Variants in PDZRN3 observed in about 807,000 individuals in gnomAD.
PDZRN3 encodes the protein E3 ubiquitin-protein ligase PDZRN3.
Under a neutral mutation model 85.7 loss-of-function variants are expected in PDZRN3, and 38 were observed. The ratio of observed to expected loss-of-function variants is 0.44; its 90% CI spans 0.34 to 0.58. The LOEUF is 0.58. PDZRN3 is among the 20% of genes least tolerant of loss of function. The probability of loss-of-function intolerance (pLI) is 0.01; values close to 1 mark genes in which losing one functional copy is unlikely to be tolerated. For missense variants in PDZRN3, 1,629 were observed against 1,506.4 expected, an observed-to-expected ratio of 1.08 and a Z score of -1.35; for synonymous variants, 759 against 638.0, an observed-to-expected ratio of 1.19 and a Z score of -2.86.
chr3:73,546,106 C>A (rs770600570), intron 3 of PDZRN3, among the ~76,000 whole-genome samples: 17 of 152,052 alleles, frequency 1.1e-4, no homozygotes, highest in Non-Finnish European at 1.6e-4. Flanking sequence ...CAGAATAAGG[C>A]CCAGCACAGG....
At chr3:73,415,072 G>C (rs1702048922) in intron 3 of PDZRN3, among the ~76,000 whole-genome samples, 1 of 152,182 alleles carries the variant, frequency 6.6e-6, no homozygotes, top group Admixed American at 6.5e-5. Context: ...CACACGGCCT[G>C]GGGCTGCCAA....
chr3:73,568,797 A>G (rs930957266), intron 3 of PDZRN3, among the ~76,000 whole-genome samples: 9 of 152,230 alleles, frequency 5.9e-5, no homozygotes, highest in South Asian at 2.1e-4. Flanking sequence ...CCACAGCACT[A>G]GGAGGAAAGT....
intron 3 of PDZRN3, among the ~76,000 whole-genome samples, chr3:73,575,066 G>C (rs942889409): frequency 6.6e-6 from 1 of 152,154 alleles, no homozygotes; most frequent in Non-Finnish European, 1.5e-5. Flanking sequence ...AAATCCCCAA[G>C]CTCTAAAGGA....
At chr3:73,431,554 T>A (rs987549772) in intron 3 of PDZRN3, among the ~76,000 whole-genome samples, 1 of 152,224 alleles carries the variant, frequency 6.6e-6, no homozygotes, top group East Asian at 1.9e-4. Context: ...GAGAATGCAA[T>A]TATTAATTCC....
rs559449936 is a variant in PDZRN3 at position 73,435,385 on chromosome 3, C to T, written c.919-30990G>A. Among the ~76,000 whole-genome samples the T allele has an allele frequency of 4.6e-5, 7 of 152,238 alleles. No individual in the cohort carries two copies. In the Middle Eastern group the frequency reaches 0.01, roughly 222 times the overall value. ...CAGGGAAAGGAAGCCACAGATGGGG[C>T]GGGGCAGCTGCAGTAATTGCTGACT... On this transcript the variant is annotated intron_variant, in intron 3 of 9. Transcript: ENST00000263666.
chr3:73,406,481 G>T (rs1045846115), intron 3 of PDZRN3, among the ~76,000 whole-genome samples: 1 of 152,190 alleles, frequency 6.6e-6, no homozygotes, highest in Non-Finnish European at 1.5e-5. Context: ...AATTTACAAT[G>T]CTACAGCAAA....
At chr3:73,499,988 G>C (rs1703945801) in intron 3 of PDZRN3, among the ~76,000 whole-genome samples, 4 of 152,100 alleles carry the variant, frequency 2.6e-5, no homozygotes, top group Admixed American at 1.3e-4. Context: ...ATTTAGTGTT[G>C]AGGATTTCTT....
At chr3:73,389,502 T>G (rs1263122347) in intron 7 of PDZRN3, among the ~76,000 whole-genome samples, 1 of 152,198 alleles carries the variant, frequency 6.6e-6, no homozygotes, top group African/African-American at 2.4e-5. Flanking sequence ...GGCCTGACTT[T>G]GGCTCACTGA....
intron 3 of PDZRN3, among the ~76,000 whole-genome samples, chr3:73,587,642 A>G (rs1157772482): frequency 2.0e-5 from 3 of 152,198 alleles, no homozygotes; most frequent in Non-Finnish European, 2.9e-5. Context: ...TCCTCTCTAT[A>G]GTGGATTCTA....
At chr3:73,617,866 T>A (rs1453089322) in intron 1 of PDZRN3, among the ~76,000 whole-genome samples, 1 of 152,162 alleles carries the variant, frequency 6.6e-6, no homozygotes, top group Non-Finnish European at 1.5e-5. Context: ...CCAGCACACC[T>A]GGCTAATTTT....
At chr3:73,569,177 T>C (rs1335244387) in intron 3 of PDZRN3, 2 of 1,289,382 alleles carry the variant, frequency 1.6e-6, no homozygotes, top group Non-Finnish European at 2.0e-6. Context: ...GATTCTTCTT[T>C]ACTCTTTGAT....
intron 3 of PDZRN3, among the ~76,000 whole-genome samples, chr3:73,587,663 A>G (rs764661704): frequency 2.0e-5 from 3 of 152,026 alleles, no homozygotes; most frequent in Non-Finnish European, 4.4e-5. Context: ...ATCTCCAAGG[A>G]CTCTTTCTTT....
intron 3 of PDZRN3, among the ~76,000 whole-genome samples, chr3:73,428,812 A>T (rs1702370994): frequency 6.6e-6 from 1 of 152,224 alleles, no homozygotes; most frequent in African/African-American, 2.4e-5. Context: ...CCATGTATTA[A>T]AAAGTGACTT....
At position 73,384,152 on chromosome 3, in the gene PDZRN3, G is replaced by T. The variant is rs1473274781; in HGVS notation, c.2414C>A (p.Ser805Tyr). The T allele has an allele frequency of 5.0e-6, 8 of 1,613,992 alleles. No individual in the cohort carries two copies. The highest frequency in any genetic ancestry group is 1.3e-5 in the African/African-American group (1 of 74,936). Residue 805 changes from serine (S) to tyrosine (Y), a missense_variant, in exon 10 of 10, where the codon TCC becomes TAC. Coordinates refer to ENST00000263666, the MANE Select transcript of PDZRN3 (RefSeq NM_015009.3). ...TTCCGTGATGGAGAGCAGATTCTTG[G>T]AGGCTGGCCCGTAGGCTTCCGTGGT... ...VGTTEAYGPA[S>Y]KNLLSITEDP...
intron 3 of PDZRN3, among the ~76,000 whole-genome samples, chr3:73,570,560 A>C (rs956235865): frequency 6.6e-6 from 1 of 152,224 alleles, no homozygotes; most frequent in Non-Finnish European, 1.5e-5. Flanking sequence ...ATGCATTCAT[A>C]GAGTCCTCTA....
intron 3 of PDZRN3, chr3:73,474,754 G>T (rs943216407): frequency 5.4e-6 from 2 of 367,846 alleles, no homozygotes; most frequent in Non-Finnish European, 9.0e-6. Flanking sequence ...CGAAGTGAAG[G>T]GGGGAAAATG....
chr3:73,436,501 TTTAAG>T (rs149441132), intron 3 of PDZRN3, among the ~76,000 whole-genome samples: 139 of 152,294 alleles, frequency 9.1e-4, no homozygotes, highest in African/African-American at 3.3e-3. Flanking sequence ...GTTGAGGGCC[TTTAAG>T]TTATGTTTTT....
At chr3:73,530,899 A>C (rs1704637597) in intron 3 of PDZRN3, among the ~76,000 whole-genome samples, 2 of 152,248 alleles carry the variant, frequency 1.3e-5, no homozygotes, top group South Asian at 4.1e-4. Flanking sequence ...GCTCTGAAGA[A>C]AACCAGATAA....
chr3:73,510,413 G>C (rs1258024586), intron 3 of PDZRN3, among the ~76,000 whole-genome samples: 1 of 152,130 alleles, frequency 6.6e-6, no homozygotes, highest in Non-Finnish European at 1.5e-5. Context: ...ATGAAGGCTC[G>C]CAGCACCATT....
Sources: allele counts gnomAD v4.1 joint callset (sites outside exome capture counted in the v4.1 genomes callset), GRCh38; gene constraint gnomAD v4.1.1; transcripts MANE v1.5; gene names NCBI Gene and HGNC (gene_info 2026-07-23, HGNC 2026-07-21).